PSMA1: variants seen among roughly 807,000 people sequenced by gnomAD.
PSMA1 encodes the protein proteasome subunit alpha type-1.
PSMA1 carries 3 observed loss-of-function variants against 38.4 expected under a neutral mutation model. The ratio of observed to expected loss-of-function variants is 0.08; its 90% CI spans 0.04 to 0.20. The LOEUF is 0.20. PSMA1 is among the 10% of genes least tolerant of loss of function. The pLI is 1.00. For missense variants in PSMA1, 227 were observed against 325.3 expected (o/e 0.70, Z 2.32); for synonymous variants, 101 against 107.1 (o/e 0.94, Z 0.35).
intron 2 of PSMA1, among the ~76,000 whole-genome samples, chr11:14,566,400 T>C (rs549351891): frequency 6.6e-6 from 1 of 152,162 alleles, no homozygotes; most frequent in Non-Finnish European, 1.5e-5. Context: ...TTCTTCACAG[T>C]TGGACATGAG....
chr11:14,507,082 T>C (rs528254750), intron 9 of PSMA1, among the ~76,000 whole-genome samples: 2 of 152,258 alleles, frequency 1.3e-5, no homozygotes, highest in South Asian at 2.1e-4. Context: ...TTGTGAGAAG[T>C]AGTGTTTGTT....
At position 14,514,448 on chromosome 11, in the gene PSMA1, C is replaced by G; in HGVS notation, c.298G>C (p.Asp100His). 6.2e-7 allele frequency: 1 copy of G among 1,605,390 alleles called. No individual in the cohort carries two copies. Among genetic ancestry groups the G allele is most frequent in the Middle Eastern group, 1.7e-4 (1 of 6,034 alleles). The change falls in exon 5 of 10, where the codon GAT becomes CAT. Residue 100 changes from aspartate to histidine, a missense_variant. Coordinates refer to ENST00000396394, the MANE Select transcript of PSMA1 (RefSeq NM_002786.4). ...AGACGAGACACAGGCAGTGGTCTAT[C>G]GAATACAAATCTGGAATCCAAACAC... is the stretch of plus-strand genomic sequence containing the variant. Reference protein sequence around the residue: ...QECLDSRFVFDRPLPVSRLVS... With the variant: ...QECLDSRFVFHRPLPVSRLVS...
At chr11:14,516,660 T>C (rs1851434711) in intron 4 of PSMA1, among the ~76,000 whole-genome samples, 2 of 152,184 alleles carry the variant, frequency 1.3e-5, no homozygotes, top group Admixed American at 6.5e-5. Context: ...GTGCAGTGGC[T>C]CACACCTATA....
chr11:14,546,443 C>G lies in PSMA1; in HGVS notation c.22-27402G>C, dbSNP rs571967528. ...GTTTAGAGCTCTCATGGAAATGTGG[C>G]TTTTTTTCCCCCCAGACAGAGTCTC... On this transcript the variant is annotated intron_variant, in intron 2 of 10. Transcript: ENST00000418988. Among the ~76,000 whole-genome samples the G allele has an allele frequency of 3.9e-5, 6 of 152,024 alleles. No homozygotes were observed. In the East Asian group the frequency reaches 1.2e-3, roughly 29 times the overall value.
intron 2 of PSMA1, among the ~76,000 whole-genome samples, chr11:14,579,880 T>C (rs1852263172): frequency 6.6e-6 from 1 of 152,138 alleles, no homozygotes; most frequent in Admixed American, 6.5e-5. Flanking sequence ...TGTTTGAGAA[T>C]TGCTTCTCTG....
intron 9 of PSMA1, 197 bp downstream of exon 9, chr11:14,507,459 C>A (rs778133086): frequency 2.0e-6 from 1 of 495,000 alleles, no homozygotes; most frequent in East Asian, 3.9e-5. Flanking sequence ...AGCCACCGCA[C>A]CCGGCCCCCT....
intron 2 of PSMA1, among the ~76,000 whole-genome samples, chr11:14,594,455 G>A (rs534043437): frequency 6.6e-6 from 1 of 152,192 alleles, no homozygotes; most frequent in East Asian, 1.9e-4. Context: ...ATCATGTCTA[G>A]ACCAAGACAT....
chr11:14,608,598 T>A (rs1217769944), intron 2 of PSMA1, among the ~76,000 whole-genome samples: 1 of 148,186 alleles, frequency 6.7e-6, no homozygotes, highest in East Asian at 1.9e-4. Flanking sequence ...AAAAATTTTA[T>A]ATATATAAAA....
At chr11:14,549,214 T>C (rs1851859709) in intron 2 of PSMA1, among the ~76,000 whole-genome samples, 1 of 152,230 alleles carries the variant, frequency 6.6e-6, no homozygotes, top group South Asian at 2.1e-4. Flanking sequence ...TTTGTTTAAC[T>C]TAATAAAATC....
Position 14,609,935 on chromosome 11 carries a change from T to C in PSMA1, c.21+1031A>G, listed in dbSNP as rs558212381. On this transcript the variant is annotated intron_variant, in intron 2 of 10. Transcript: ENST00000418988. ...AAGACCATTTAGGAAACTGTTGCAA[T>C]AATCTAAAGAAGACATGATTGTGGC... Among the ~76,000 whole-genome samples the C allele has an allele frequency of 3.3e-5, 5 of 152,276 alleles. No homozygotes were observed. The South Asian group carries it at 6.2e-4, about 19-fold the overall frequency.
At chr11:14,514,561 T>C in intron 4 of PSMA1, 70 bp from the exon 5 acceptor site, 3 of 1,185,914 alleles carry the variant, frequency 2.5e-6, no homozygotes, top group Middle Eastern at 5.1e-4. Context: ...AATTGTTTGA[T>C]TTCACTTCAA....
chr11:14,629,966 G>T (rs903895431), intron 1 of PSMA1, among the ~76,000 whole-genome samples: 1 of 152,022 alleles, frequency 6.6e-6, no homozygotes, highest in African/African-American at 2.4e-5. Flanking sequence ...TTGGCTCTCC[G>T]TCTGTTGTTG....
At chr11:14,630,467 T>G (rs905012521) in intron 1 of PSMA1, among the ~76,000 whole-genome samples, 2 of 152,184 alleles carry the variant, frequency 1.3e-5, no homozygotes, top group Non-Finnish European at 2.9e-5. Context: ...TGGATTACAT[T>G]TATTGATTTG....
In PSMA1 at chr11:14,610,176, C is replaced by A. The variant is rs187733687; in HGVS notation, c.21+790G>T. On this transcript the variant is annotated intron_variant, in intron 2 of 10. Coordinates refer to the PSMA1 transcript ENST00000418988. ...TTCTCAGAGAGCGGCATTTGCAACA[C>A]CTCTGGGTTCTACAAAAGTTTAAAA... is the stretch of plus-strand genomic sequence containing the variant. Among the ~76,000 whole-genome samples the A allele has an allele frequency of 1.2e-3, 187 of 152,310 alleles. 1 individual carries two copies. Among genetic ancestry groups the A allele is most frequent in the Middle Eastern group, 3.4e-3 (1 of 294 alleles).
At chr11:14,638,528 T>TCC (rs1853141992) in intron 1 of PSMA1, among the ~76,000 whole-genome samples, 1 of 25,224 alleles carries the variant, frequency 4.0e-5, no homozygotes, top group African/African-American at 1.6e-4. Context: ...TCTCTCTCTC[T>TCC]CTCTCTCTCT....
intron 2 of PSMA1, among the ~76,000 whole-genome samples, chr11:14,605,821 C>A (rs562693026): frequency 6.6e-6 from 1 of 152,156 alleles, no homozygotes; most frequent in Non-Finnish European, 1.5e-5. Flanking sequence ...TTTCTCCCAA[C>A]GTGTAGGTTG....
intron 2 of PSMA1, among the ~76,000 whole-genome samples, chr11:14,576,077 C>T (rs1385115332): frequency 6.6e-6 from 1 of 152,166 alleles, no homozygotes; most frequent in Non-Finnish European, 1.5e-5. Context: ...AGTGTCTGTT[C>T]ATATCCTTTG....
chr11:14,578,972 A>G (rs1271233614), intron 2 of PSMA1, among the ~76,000 whole-genome samples: 1 of 152,184 alleles, frequency 6.6e-6, no homozygotes, highest in East Asian at 1.9e-4. Flanking sequence ...TCATCTCAAC[A>G]TTCTGTGAGG....
chr11:14,632,907 C>A (rs1432579615), intron 1 of PSMA1, among the ~76,000 whole-genome samples: 14 of 151,356 alleles, frequency 9.2e-5, no homozygotes, highest in Admixed American at 2.6e-4. Context: ...TCGCTGATAC[C>A]CTTTCTTCCA....
Sources: allele counts gnomAD v4.1 joint callset (sites outside exome capture counted in the v4.1 genomes callset), GRCh38; gene constraint gnomAD v4.1.1; transcripts MANE v1.5; gene names NCBI Gene and HGNC (gene_info 2026-07-23, HGNC 2026-07-21).